Variants in PCLO observed in about 807,000 individuals in gnomAD.
PCLO encodes protein piccolo.
Under a neutral mutation model 427.5 loss-of-function variants are expected in PCLO, and 82 were observed. The ratio of observed to expected loss-of-function variants is 0.19; its 90% CI spans 0.16 to 0.23. The LOEUF is 0.23. PCLO is among the 10% of genes least tolerant of loss of function. PCLO has a pLI of 1.00. For synonymous variants in PCLO, 2,357 were observed against 2,155.4 expected (o/e 1.09, Z -2.59); for missense variants, 6,239 against 6,115.9 (o/e 1.02, Z -0.67).
In PCLO at chr7:83,134,947, G is replaced by C; in HGVS notation, c.2603C>G (p.Ala868Gly). 2 of 1,608,874 alleles carry C rather than the reference G, an allele frequency of 1.2e-6. No homozygotes were observed. The highest frequency in any genetic ancestry group is 8.5e-7 in the Non-Finnish European group (1 of 1,177,888). Residue 868 changes from alanine to glycine, a missense_variant, in exon 3 of 25, where the codon GCC (alanine) becomes GGC (glycine). By Grantham distance (60) the Ala-to-Gly change is moderately conservative (BLOSUM62 0). Around this residue, in one of 5 missense-constraint regions of PCLO, gnomAD observed 4,677 missense variants for 4,468.4 expected, o/e 1.05. Coordinates refer to ENST00000333891, the MANE Select transcript of PCLO (RefSeq NM_033026.6). ...TGGTGACCCTTTTGGCATTGGCTTG[G>C]CATCTGGTTTAGGACTCATTTTGGT... ...AQTKMSPKPDAKPMPKGSPTP... is the reference protein window; with the variant it reads ...AQTKMSPKPDGKPMPKGSPTP...
chr7:82,814,395 C>T (rs371645596), intron 20 of PCLO, among the ~76,000 whole-genome samples: 4 of 151,396 alleles, frequency 2.6e-5, no homozygotes, highest in East Asian at 1.9e-4. Context: ...CAGTCTTTGA[C>T]TATTGTAAAA....
At chr7:83,145,429 C>A (rs1791969998) in intron 2 of PCLO, among the ~76,000 whole-genome samples, 1 of 152,038 alleles carries the variant, frequency 6.6e-6, no homozygotes, top group African/African-American at 2.4e-5. Flanking sequence ...ATACACTTGC[C>A]ATAACCTAGA....
chr7:83,134,924 G>C lies in PCLO; in HGVS notation c.2626C>G (p.Pro876Ala). The C allele has an allele frequency of 1.2e-6, 2 of 1,604,818 alleles. No individual in the cohort carries two copies. The highest frequency in any genetic ancestry group is 1.7e-6 in the Non-Finnish European group (2 of 1,175,892). ...GTAGGTCGTGGGCCAGGGGGTGTTG[G>C]TGACCCTTTTGGCATTGGCTTGGCA... ...PDAKPMPKGS[P>A]TPPGPRPTAG... Residue 876 changes from proline (P) to alanine (A), a missense_variant, in exon 3 of 25, where the codon CCA (proline) becomes GCA (alanine). This residue lies in a region of PCLO where 4,677 missense variants were observed against 4,468.4 expected (regional missense o/e 1.05). Coordinates refer to ENST00000333891, the MANE Select transcript of PCLO (RefSeq NM_033026.6).
chr7:82,865,361 G>A (rs1229729661), intron 10 of PCLO, among the ~76,000 whole-genome samples: 4 of 151,972 alleles, frequency 2.6e-5, no homozygotes, highest in African/African-American at 7.3e-5. Flanking sequence ...GGTGGCCAGC[G>A]ACTGTAATCC....
At chr7:83,139,970 A>T (rs1791822533) in intron 2 of PCLO, among the ~76,000 whole-genome samples, 1 of 152,200 alleles carries the variant, frequency 6.6e-6, no homozygotes, top group East Asian at 1.9e-4. Context: ...GATGCAACTG[A>T]CAAAAAGACA....
At chr7:82,794,540 C>T (rs564951989) in intron 22 of PCLO, among the ~76,000 whole-genome samples, 59 of 133,598 alleles carry the variant, frequency 4.4e-4, no homozygotes, top group Non-Finnish European at 6.2e-4. Flanking sequence ...GGCACGACCT[C>T]GGCTCACTGC....
At position 83,154,880 on chromosome 7, in the gene PCLO, G is replaced by A; in HGVS notation, c.1761C>T (p.Thr587=). ...KQPPSQGLPK[T]ICPLCNTTEL... Reference sequence around the variant, plus strand: ...CAGTGGTATTGCAAAGAGGACAGATGGTTTTAGGGAGGCCTTGTGAAGGAG... The same window carrying A: ...CAGTGGTATTGCAAAGAGGACAGATAGTTTTAGGGAGGCCTTGTGAAGGAG... Residue 587 remains threonine (T), a synonymous_variant, in exon 2 of 25, where the codon ACC becomes ACT. Coordinates refer to ENST00000333891, the MANE Select transcript of PCLO (RefSeq NM_033026.6). The A allele has an allele frequency of 1.9e-6, 3 of 1,614,050 alleles. No homozygotes were observed. The highest frequency in any genetic ancestry group is 2.5e-6 in the Non-Finnish European group (3 of 1,179,892).
At chr7:83,097,433 A>C (rs939968451) in intron 3 of PCLO, among the ~76,000 whole-genome samples, 1 of 145,896 alleles carries the variant, frequency 6.9e-6, no homozygotes, top group Non-Finnish European at 1.5e-5. Context: ...GAGGCAGGAG[A>C]ATGGCATGAA....
chr7:82,884,936 G>A (rs551623227), intron 9 of PCLO, among the ~76,000 whole-genome samples: 18 of 152,212 alleles, frequency 1.2e-4, no homozygotes, highest in Non-Finnish European at 2.1e-4. Flanking sequence ...TATATAAAAT[G>A]TAAGTAGGAA....
chr7:82,895,615 A>G (rs1407384394), intron 9 of PCLO, among the ~76,000 whole-genome samples: 1 of 151,960 alleles, frequency 6.6e-6, no homozygotes, highest in Non-Finnish European at 1.5e-5. Context: ...CTATAATAAA[A>G]ATTAGGAATA....
rs1269996321 is a variant in PCLO, at chr7:82,846,422, A to G, written c.13831+145T>C. ...CTAGATTTTGTTTATAATTATATAA[A>G]TACATAAAAAAATCTATCCATAACT... On this transcript the variant is annotated intron_variant, in intron 12 of 24. Coordinates refer to ENST00000333891, the MANE Select transcript of PCLO (RefSeq NM_033026.6). 9 of 608,330 alleles carry G rather than the reference A, an allele frequency of 1.5e-5. No homozygotes were observed. In the East Asian group the frequency reaches 2.1e-4, roughly 14 times the overall value. 37.7% of individuals were successfully genotyped at this position (608,330 alleles called of 1,614,324 possible).
intron 22 of PCLO, among the ~76,000 whole-genome samples, chr7:82,770,249 C>CT (rs375676065): frequency 0.063 from 9,592 of 151,858 alleles, 698 homozygotes; most frequent in African/African-American, 0.18. Context: ...TTCCCTTATT[C>CT]TTTTTTTAAA....
Position 82,906,357 on chromosome 7 carries a change from AAG to A in PCLO, c.13437+2518_13437+2519del, listed in dbSNP as rs1383654239. Among the ~76,000 whole-genome samples, 6 of 152,140 alleles carry A rather than the reference AAG, an allele frequency of 3.9e-5. No homozygotes were observed. The East Asian group carries it at 9.7e-4, about 25-fold the overall frequency. On this transcript the variant is annotated intron_variant, in intron 8 of 24. Transcript: ENST00000333891. Reference sequence around the variant, plus strand: ...AAAAGCATCTGAGTTTATTAGTACCAAGAGCTCAATATTAGCTTTTTATGATT... The same window carrying A: ...AAAAGCATCTGAGTTTATTAGTACCAAGCTCAATATTAGCTTTTTATGATT...
intron 9 of PCLO, among the ~76,000 whole-genome samples, chr7:82,880,910 C>T (rs1793491247): frequency 6.6e-6 from 1 of 152,148 alleles, no homozygotes; most frequent in Non-Finnish European, 1.5e-5. Context: ...AAATGGGTTA[C>T]AAACATGGGA....
intron 10 of PCLO, among the ~76,000 whole-genome samples, chr7:82,861,297 C>T (rs1241793606): frequency 6.6e-6 from 1 of 151,524 alleles, no homozygotes; most frequent in Non-Finnish European, 1.5e-5. Context: ...AAAATGGGAA[C>T]CTAGAAATTA....
chr7:83,140,368 A>C (rs1255624896), intron 2 of PCLO, among the ~76,000 whole-genome samples: 6 of 152,206 alleles, frequency 3.9e-5, no homozygotes, highest in Admixed American at 3.9e-4. Context: ...TATGAAATAA[A>C]GTAAAAATGT....
chr7:82,794,830 C>T (rs77686987), intron 22 of PCLO, among the ~76,000 whole-genome samples: 2,007 of 152,050 alleles, frequency 0.013, 32 homozygotes, highest in African/African-American at 0.045. Flanking sequence ...TTGAGCAAAA[C>T]ATGGGAGATC....
intron 3 of PCLO, among the ~76,000 whole-genome samples, chr7:83,096,486 G>T (rs1229670970): frequency 6.6e-6 from 1 of 151,704 alleles, no homozygotes; most frequent in Non-Finnish European, 1.5e-5. Flanking sequence ...TACCTCAAAG[G>T]ATTGTGTAAG....
chr7:83,155,462 C>T lies in PCLO; in HGVS notation c.1179G>A (p.Gln393=), dbSNP rs772288822. The change falls in exon 2 of 25, where the codon CAG becomes CAA. Residue 393 remains glutamine, a synonymous_variant. Transcript: ENST00000333891. ...CTGGAGTCTTTCCAACTCCAGGAGG[C>T]TGAGCTAAAGCCTTTGGCCCAGGCT... ...SEQPGPKALA[Q]PPGVGKTPAQ... 6 of 1,613,760 alleles carry T rather than the reference C, an allele frequency of 3.7e-6. No homozygotes were observed. Among genetic ancestry groups the T allele is most frequent in the Non-Finnish European group, 3.4e-6 (4 of 1,179,836 alleles).
Sources: gnomAD v4.1 joint callset for allele counts (sites outside exome capture counted in the v4.1 genomes callset) on GRCh38, gnomAD v4.1.1 for gene constraint, gnomAD v4.1.1 regional missense constraint, MANE v1.5 for transcripts, NCBI Gene and HGNC (gene_info 2026-07-23, HGNC 2026-07-21) for gene names.